COMMD4: variants seen among roughly 807,000 people sequenced by gnomAD.
COMMD4 encodes the protein COMM domain containing 4.
In COMMD4, 18 loss-of-function variants were observed where a neutral mutation model predicts 27.5. The ratio of observed to expected loss-of-function variants is 0.65; its 90% CI spans 0.45 to 0.97. COMMD4 has a LOEUF of 0.97. Among genes scored for constraint, COMMD4 ranks in the 50% least tolerant of loss-of-function variants. The pLI is 0.00. For missense variants in COMMD4, 243 were observed against 250.0 expected (o/e 0.97, Z 0.19); for synonymous variants, 108 against 108.4 (o/e 1.00, Z 0.02).
chr15:75,336,066 C>T lies in COMMD4; in HGVS notation c.-24C>T, dbSNP rs182080358. ...CCCTGCGGGACCGGAAAAAGAAATT[C>T]CCGGGCCCTGGCTTCTTGGCGCGAT... is the stretch of plus-strand genomic sequence containing the variant. On this transcript the variant is annotated 5_prime_UTR_variant, in exon 1 of 8. Coordinates refer to ENST00000267935, the MANE Select transcript of COMMD4 (RefSeq NM_017828.5). 2.7e-3 allele frequency: 4,133 copies of T among 1,549,678 alleles called. 12 individuals are homozygous for T. Among genetic ancestry groups the T allele is most frequent in the Middle Eastern group, 3.6e-3 (16 of 4,496 alleles).
At chr15:75,338,930 A>G in intron 4 of COMMD4, 55 bp from the exon 5 acceptor site, 2 of 1,613,440 alleles carry the variant, frequency 1.2e-6, no homozygotes, top group Non-Finnish European at 1.7e-6. Flanking sequence ...ATAGGGCAAC[A>G]GGGAGGTGGC....
downstream of COMMD4, chr15:75,341,397 G>C (rs1178004044): frequency 6.6e-6 from 1 of 152,178 alleles, no homozygotes; most frequent in Non-Finnish European, 1.5e-5. Flanking sequence ...AAGAATAATG[G>C]CTTGTTCCAC....
At chr15:75,338,506 G>A in intron 3 of COMMD4, 86 bp downstream of exon 3, 1 of 1,580,870 alleles carries the variant, frequency 6.3e-7, no homozygotes, top group Non-Finnish European at 8.6e-7. Context: ...AGGGAGACGG[G>A]TGAGCCAGCC....
intron 6 of COMMD4, 132 bp from the exon 7 acceptor site, chr15:75,339,570 C>T (rs975735851): frequency 8.5e-7 from 1 of 1,176,058 alleles, no homozygotes; most frequent in Non-Finnish European, 1.2e-6. Context: ...CTGTTCTGAG[C>T]CTGGGTCAGC....
chr15:75,339,715 AGGTGTGGGCTGGCG>A lies in COMMD4; in HGVS notation c.401_414del (p.Val134GlyfsTer93). 1 of 1,598,154 alleles carries A rather than the reference AGGTGTGGGCTGGCG, an allele frequency of 6.3e-7. No homozygotes were observed. Among genetic ancestry groups the A allele is most frequent in the Non-Finnish European group, 8.5e-7 (1 of 1,171,014 alleles). On this transcript the variant is annotated frameshift_variant, in exon 7 of 8. Coordinates refer to ENST00000267935, the MANE Select transcript of COMMD4 (RefSeq NM_017828.5). LOFTEE classifies it high-confidence loss of function. ...CCCATCTCACAGTGAATAGGTTGGC[AGGTGTGGGCTGGCG>A]GGTGGACTACACCCTGAGCTCCAGC...
At chr15:75,342,725 A>C (rs919260659), downstream of COMMD4, 2 of 152,164 alleles carry the variant, frequency 1.3e-5, no homozygotes, top group African/African-American at 2.4e-5. Context: ...TGTATACTTC[A>C]AAATAGCTAA....
chr15:75,339,900 A>AT (rs777214463), intron 7 of COMMD4, 22 bp downstream of exon 7: 1 of 1,613,660 alleles, frequency 6.2e-7, no homozygotes, highest in Non-Finnish European at 8.5e-7. Flanking sequence ...CTATTCCTCG[A>AT]CGGGTGAGAG....
downstream of COMMD4, chr15:75,341,812 A>G (rs911522097): frequency 3.9e-5 from 6 of 152,248 alleles, no homozygotes; most frequent in Non-Finnish European, 8.8e-5. Flanking sequence ...GCAGTGGCCC[A>G]TGCCTGTAAT....
downstream of COMMD4, chr15:75,340,358 A>T (rs906845833): frequency 1.2e-5 from 3 of 250,394 alleles, no homozygotes; most frequent in East Asian, 2.3e-4. Flanking sequence ...TTGGTCCATC[A>T]CTCATTTTCT....
chr15:75,341,944 G>A (rs1346909199), downstream of COMMD4: 1 of 151,810 alleles, frequency 6.6e-6, no homozygotes, highest in Non-Finnish European at 1.5e-5. Context: ...CGTGCTTATA[G>A]TCTCAGCTAC....
intron 6 of COMMD4, 78 bp downstream of exon 6, chr15:75,339,422 G>A: frequency 6.4e-7 from 1 of 1,562,220 alleles, no homozygotes. Context: ...AGAGTCCAGG[G>A]AGACGACTTA....
At chr15:75,338,752 A>AG (rs754738500) in intron 4 of COMMD4, 67 bp downstream of exon 4, 5 of 1,555,988 alleles carry the variant, frequency 3.2e-6, no homozygotes, top group Non-Finnish European at 3.5e-6. Flanking sequence ...CCTGGTACAG[A>AG]GGGGCCCCCC....
intron 6 of COMMD4, 122 bp downstream of exon 6, chr15:75,339,466 C>A: frequency 6.9e-7 from 1 of 1,453,306 alleles, no homozygotes; most frequent in Non-Finnish European, 9.4e-7. Context: ...AGCCGTAGAG[C>A]TGGGACCTGG....
In COMMD4 at chr15:75,339,108, C is replaced by CG. The variant is rs1232338759; in HGVS notation, c.301+7dup. ...CAGCAGCTGGGGCTGCCCAAAGGTA[C>CG]GGGTTGTGGGTGGGCAGCTGGGCAG... On this transcript the variant is annotated splice_donor_region_variant and intron_variant, in intron 5 of 7. Transcript: ENST00000267935. The CG allele has an allele frequency of 1.2e-6, 2 of 1,613,088 alleles. No homozygotes were observed.
At chr15:75,336,404 C>A in intron 1 of COMMD4, 1 of 791,538 alleles carries the variant, frequency 1.3e-6, no homozygotes, top group Non-Finnish European at 1.9e-6. Context: ...CCTTTCAGGT[C>A]TTCCCCATCC....
Position 75,340,108 on chromosome 15 carries a change from C to T in COMMD4, c.*103C>T. The stretch of plus-strand genomic sequence containing the variant: ...CAGCCCTGGTTCTAGGATGCTGAGG[C>T]CCTGGCCCGGACTCTGGCCTCCCAG... On this transcript the variant is annotated 3_prime_UTR_variant, in exon 8 of 8. Coordinates refer to ENST00000267935, the MANE Select transcript of COMMD4 (RefSeq NM_017828.5). 1.4e-6 allele frequency: 2 copies of T among 1,395,034 alleles called. No homozygotes were observed. Among genetic ancestry groups the T allele is most frequent in the South Asian group, 1.3e-5 (1 of 78,918 alleles). The allele number at this position is 1,395,034 out of a possible 1,614,324, so 86.4% of individuals were successfully genotyped here.
At chr15:75,338,902 G>A (rs1379028893) in intron 4 of COMMD4, 83 bp from the exon 5 acceptor site, 1 of 1,610,190 alleles carries the variant, frequency 6.2e-7, no homozygotes, top group African/African-American at 1.3e-5. Context: ...GAGGCCTGGG[G>A]GCTTTGAGCT....
downstream of COMMD4, among the ~76,000 whole-genome samples, chr15:75,340,439 G>T (rs765702186): frequency 6.6e-6 from 1 of 152,114 alleles, no homozygotes; most frequent in Admixed American, 6.6e-5. Flanking sequence ...TGCTTGTCTG[G>T]TGAGAAGAAA....
Position 75,340,040 on chromosome 15 carries a change from C to T in COMMD4, c.*35C>T. ...TGTTCCAGGCCTGTGTGGAGCCGCC[C>T]TGCCCGTATGGAGTCACGCCCTCTG... On this transcript the variant is annotated 3_prime_UTR_variant, in exon 8 of 8. Coordinates refer to ENST00000267935, the MANE Select transcript of COMMD4 (RefSeq NM_017828.5). 1 of 1,612,174 alleles carries T rather than the reference C, an allele frequency of 6.2e-7. No individual in the cohort carries two copies. Among genetic ancestry groups the T allele is most frequent in the Non-Finnish European group, 8.5e-7 (1 of 1,179,112 alleles).
Sources: allele counts gnomAD v4.1 joint callset (sites outside exome capture counted in the v4.1 genomes callset), GRCh38; gene constraint gnomAD v4.1.1; transcripts MANE v1.5; gene names NCBI Gene and HGNC (gene_info 2026-07-23, HGNC 2026-07-21).